The following TACC2 variants were observed in gnomAD, a reference collection of about 807,000 sequenced individuals.
TACC2 encodes the protein transforming acidic coiled-coil-containing protein 2.
TACC2 carries 137 observed loss-of-function variants against 227.3 expected under a neutral mutation model. That is an observed-to-expected ratio of 0.60 (90% CI 0.52 to 0.69). TACC2 has a LOEUF of 0.69. Ranked by LOEUF, TACC2 falls within the 30% of genes least tolerant of loss-of-function variation. TACC2 has a pLI of 0.00. For synonymous variants in TACC2, 1,523 were observed against 1,487.5 expected (o/e 1.02, Z -0.55); for missense variants, 3,470 against 3,694.4 (o/e 0.94, Z 1.57).
rs774916657 is a variant in TACC2 at position 122,216,716 on chromosome 10, C to T, written c.7434C>T (p.Asn2478=). ...ATDEEKLAVT[N]QKWTCMTVDL... ...ATGAGGAAAAGCTGGCGGTCACCAACCAGAAGTGGACGTGCATGACAGTGG... is the reference window on the plus strand; with the variant it reads ...ATGAGGAAAAGCTGGCGGTCACCAATCAGAAGTGGACGTGCATGACAGTGG... The change falls in exon 11 of 23, where the codon AAC becomes AAT. Residue 2478 remains asparagine (N), a synonymous_variant. Coordinates refer to ENST00000369005, the MANE Select transcript of TACC2 (RefSeq NM_206862.4). 45 of 1,613,994 alleles carry T rather than the reference C, an allele frequency of 2.8e-5. No individual in the cohort carries two copies. Among genetic ancestry groups the T allele is most frequent in the Non-Finnish European group, 3.7e-5 (44 of 1,180,038 alleles).
In TACC2 at chr10:122,048,488, C is replaced by T. The variant is rs546387660; in HGVS notation, c.34-1950C>T. On this transcript the variant is annotated intron_variant, in intron 2 of 22. Transcript: ENST00000369005. ...TCCCTCCTACCCTCTCTCCTTCCCT[C>T]TCTCCCTCTTCCTTTCTTTTCCTTT... Among the ~76,000 whole-genome samples, 14 of 142,614 alleles carry T rather than the reference C, an allele frequency of 9.8e-5. No homozygotes were observed. In the South Asian group the frequency reaches 3.3e-3, roughly 34 times the overall value. 93.6% of individuals were successfully genotyped at this position (142,614 alleles called of 152,430 possible).
intron 1 of TACC2, among the ~76,000 whole-genome samples, chr10:121,994,185 A>G (rs940582246): frequency 6.6e-6 from 1 of 152,208 alleles, no homozygotes; most frequent in Non-Finnish European, 1.5e-5. Context: ...TAAAGGAGGC[A>G]TATTGACATG....
chr10:122,241,429 T>C (rs113382634), intron 18 of TACC2, among the ~76,000 whole-genome samples: 2,931 of 152,200 alleles, frequency 0.019, 98 homozygotes, highest in African/African-American at 0.067. Context: ...GTAGCTAGGA[T>C]CACAGACGCA....
chr10:122,136,611 G>A (rs1483380511), intron 6 of TACC2, among the ~76,000 whole-genome samples: 1 of 151,572 alleles, frequency 6.6e-6, no homozygotes, highest in African/African-American at 2.4e-5. Flanking sequence ...GGAGTGCAGT[G>A]GCACAGTCTG....
chr10:122,252,488 TTTTC>T (rs1340910678), intron 22 of TACC2, among the ~76,000 whole-genome samples: 5 of 151,660 alleles, frequency 3.3e-5, no homozygotes, highest in Admixed American at 6.6e-5. Context: ...AGAGTTTTTT[TTTTC>T]TTTCTTTTTT....
At chr10:121,992,435 T>G (rs1342564884) in intron 1 of TACC2, among the ~76,000 whole-genome samples, 1 of 152,208 alleles carries the variant, frequency 6.6e-6, no homozygotes, top group East Asian at 1.9e-4. Flanking sequence ...GTTATTTGAG[T>G]GCAGAATTAC....
chr10:122,006,955 G>A (rs1418099452), intron 1 of TACC2, among the ~76,000 whole-genome samples: 1 of 150,534 alleles, frequency 6.6e-6, no homozygotes, highest in African/African-American at 2.4e-5. Flanking sequence ...TCTGCCTCCC[G>A]GGTTCCAGTG....
chr10:122,022,227 G>A (rs1254782393), intron 2 of TACC2: 3 of 524,198 alleles, frequency 5.7e-6, no homozygotes, highest in Non-Finnish European at 1.0e-5. Flanking sequence ...AGCCGGAAAC[G>A]CTAATTCTAC....
At chr10:122,142,547 A>C (rs1331384448) in intron 6 of TACC2, among the ~76,000 whole-genome samples, 1 of 152,150 alleles carries the variant, frequency 6.6e-6, no homozygotes, top group African/African-American at 2.4e-5. Context: ...CCTCGAAGAG[A>C]TGGAGTGAGC....
At chr10:122,214,467 A>C (rs1316060565) in intron 9 of TACC2, among the ~76,000 whole-genome samples, 1 of 152,060 alleles carries the variant, frequency 6.6e-6, no homozygotes, top group Admixed American at 6.6e-5. Context: ...GGGTGGTGGG[A>C]TCTAAGGAGA....
At chr10:122,046,302 G>A (rs1014519125) in intron 2 of TACC2, among the ~76,000 whole-genome samples, 1 of 149,182 alleles carries the variant, frequency 6.7e-6, no homozygotes, top group African/African-American at 2.5e-5. Context: ...GTGAAACCCC[G>A]TCTCTACTAA....
At chr10:122,060,650 T>G (rs1257662772) in intron 3 of TACC2, among the ~76,000 whole-genome samples, 2 of 152,218 alleles carry the variant, frequency 1.3e-5, no homozygotes, top group Non-Finnish European at 2.9e-5. Flanking sequence ...CAGCTTTCCA[T>G]ATTTTGGATA....
intron 7 of TACC2, among the ~76,000 whole-genome samples, chr10:122,183,611 C>T (rs911288529): frequency 7.9e-5 from 12 of 152,136 alleles, no homozygotes; most frequent in Admixed American, 3.9e-4. Context: ...TGGCTGCCCC[C>T]GTGGGCTGCT....
chr10:122,144,553 G>A (rs1359069293), intron 7 of TACC2, among the ~76,000 whole-genome samples: 1 of 152,206 alleles, frequency 6.6e-6, no homozygotes, highest in Non-Finnish European at 1.5e-5. Context: ...AGCACACAGT[G>A]CTGAAAGCTA....
In TACC2 at chr10:122,191,334, G is replaced by A. The variant is rs568676604; in HGVS notation, c.5835-3706G>A. Among the ~76,000 whole-genome samples the A allele has an allele frequency of 5.9e-5, 9 of 152,244 alleles. No individual in the cohort carries two copies. In the South Asian group the frequency reaches 1.9e-3, roughly 32 times the overall value. On this transcript the variant is annotated intron_variant, in intron 7 of 22. Coordinates refer to ENST00000369005, the MANE Select transcript of TACC2 (RefSeq NM_206862.4). The stretch of plus-strand genomic sequence containing the variant: ...GTGTGTACAGTGGGCCTACTCCTGT[G>A]CCCGACACATAACAGTATATTCAAC...
At chr10:122,219,349 G>C (rs1363336138) in intron 11 of TACC2, among the ~76,000 whole-genome samples, 2 of 152,080 alleles carry the variant, frequency 1.3e-5, no homozygotes, top group African/African-American at 4.8e-5. Context: ...GCTGAGCTGG[G>C]GATATGAAAC....
At chr10:122,025,454 G>C (rs1049902118) in intron 2 of TACC2, among the ~76,000 whole-genome samples, 1 of 151,974 alleles carries the variant, frequency 6.6e-6, no homozygotes, top group Non-Finnish European at 1.5e-5. Context: ...GTAGAGACGA[G>C]GTTTCACTAT....
intron 19 of TACC2, 87 bp downstream of exon 19, chr10:122,242,088 G>C: frequency 7.9e-7 from 1 of 1,272,096 alleles, no homozygotes; most frequent in Non-Finnish European, 1.2e-6. Context: ...GCTCAGAGTG[G>C]GTTTCTGGTA....
At chr10:122,031,099 T>C (rs1271896506) in intron 2 of TACC2, among the ~76,000 whole-genome samples, 1 of 152,130 alleles carries the variant, frequency 6.6e-6, no homozygotes, top group East Asian at 1.9e-4. Flanking sequence ...GCCTTCCAAA[T>C]TTCCAGCTAA....
Sources: gnomAD v4.1 joint callset for allele counts (sites outside exome capture counted in the v4.1 genomes callset) on GRCh38, gnomAD v4.1.1 for gene constraint, MANE v1.5 for transcripts, NCBI Gene and HGNC (gene_info 2026-07-23, HGNC 2026-07-21) for gene names.